Variants in UBR3 observed in about 807,000 individuals in gnomAD.
The protein encoded by UBR3 is E3 ubiquitin-protein ligase UBR3.
Under a neutral mutation model 243.2 loss-of-function variants are expected in UBR3, and 85 were observed. The observed-to-expected ratio is 0.35, with a 90% confidence interval of 0.29 to 0.42. UBR3 has a LOEUF of 0.42. UBR3 is among the 10% of genes least tolerant of loss of function. The probability of loss-of-function intolerance (pLI) is 1.00; values close to 1 mark genes in which losing one functional copy is unlikely to be tolerated. For missense variants in UBR3, 1,686 were observed against 2,300.8 expected (o/e 0.73, Z 5.47); for synonymous variants, 748 against 799.8 (o/e 0.94, Z 1.09).
intron 1 of UBR3, among the ~76,000 whole-genome samples, chr2:169,858,581 CTTTA>C (rs913152807): frequency 1.1e-4 from 17 of 151,966 alleles, no homozygotes; most frequent in Non-Finnish European, 1.8e-4. Context: ...TCATTTAGTA[CTTTA>C]TTTATTTATT....
At chr2:169,867,445 T>C (rs2083296728) in intron 1 of UBR3, among the ~76,000 whole-genome samples, 2 of 152,240 alleles carry the variant, frequency 1.3e-5, no homozygotes, top group Admixed American at 6.5e-5. Flanking sequence ...ATTAAATGCA[T>C]GCATTTTTAA....
chr2:170,022,166 C>T (rs562252269), intron 30 of UBR3, among the ~76,000 whole-genome samples: 1 of 152,050 alleles, frequency 6.6e-6, no homozygotes, highest in Admixed American at 6.6e-5. Context: ...CAAGCTCTGT[C>T]GGAAAGCGAA....
chr2:170,063,830 T>C (rs950774497), intron 35 of UBR3, among the ~76,000 whole-genome samples: 8 of 152,222 alleles, frequency 5.3e-5, no homozygotes, highest in African/African-American at 1.4e-4. Context: ...ACCTAATATG[T>C]TGTATATTGT....
chr2:169,882,118 G>GTA (rs1330968330), intron 5 of UBR3, among the ~76,000 whole-genome samples: 2 of 122,664 alleles, frequency 1.6e-5, no homozygotes, highest in African/African-American at 3.2e-5. Flanking sequence ...TATTATATAT[G>GTA]TATATTATAT....
At chr2:170,061,278 T>C in intron 34 of UBR3, 40 bp from the exon 35 acceptor site, 1 of 1,604,616 alleles carries the variant, frequency 6.2e-7, no homozygotes, top group Non-Finnish European at 8.5e-7. Context: ...AAACTCTTTA[T>C]TGTAGACTGA....
At chr2:169,859,403 GT>G (rs2083006741) in intron 1 of UBR3, among the ~76,000 whole-genome samples, 1 of 152,040 alleles carries the variant, frequency 6.6e-6, no homozygotes, top group South Asian at 2.1e-4. Context: ...TATTTATTCT[GT>G]TTGGGGTTTG....
At chr2:169,833,893 C>T (rs1279319512) in intron 1 of UBR3, among the ~76,000 whole-genome samples, 7 of 152,030 alleles carry the variant, frequency 4.6e-5, no homozygotes. Flanking sequence ...AAGTGATCTC[C>T]CACCTCACCC....
chr2:170,048,170 G>A lies in UBR3; in HGVS notation c.4660+7185G>A, dbSNP rs115283073. Among the ~76,000 whole-genome samples the A allele has an allele frequency of 3.5e-3, 533 of 152,224 alleles. 2 individuals are homozygous for A. Among genetic ancestry groups the A allele is most frequent in the African/African-American group, 0.012 (498 of 41,526 alleles). On this transcript the variant is annotated intron_variant, in intron 32 of 38. Coordinates refer to ENST00000272793, the MANE Select transcript of UBR3 (RefSeq NM_172070.4). ...ACGATATTCTTTAGGATCATTGTGAGGATCATTCTTTAATCACATTTAGCC... is the reference window on the plus strand; with the variant it reads ...ACGATATTCTTTAGGATCATTGTGAAGATCATTCTTTAATCACATTTAGCC...
intron 25 of UBR3, among the ~76,000 whole-genome samples, chr2:169,993,643 A>G (rs942137662): frequency 6.6e-6 from 1 of 152,132 alleles, no homozygotes; most frequent in African/African-American, 2.4e-5. Context: ...TCACTGTGTC[A>G]ATTTGTCCTA....
chr2:169,918,808 C>T (rs1455016379), intron 11 of UBR3, among the ~76,000 whole-genome samples: 3 of 152,086 alleles, frequency 2.0e-5, no homozygotes, highest in Non-Finnish European at 4.4e-5. Context: ...GAAAGTAGAA[C>T]GTGCATTCAT....
chr2:169,908,422 T>C (rs558932818), intron 10 of UBR3, among the ~76,000 whole-genome samples: 22 of 152,234 alleles, frequency 1.4e-4, no homozygotes, highest in African/African-American at 4.3e-4. Context: ...TAGTGTACCT[T>C]GTTTAATTTC....
At chr2:170,029,263 T>C in intron 30 of UBR3, 83 bp from the exon 31 acceptor site, 1 of 1,118,036 alleles carries the variant, frequency 8.9e-7, no homozygotes, top group Non-Finnish European at 1.3e-6. Flanking sequence ...GATTTCCTTA[T>C]GAAATAACTA....
intron 20 of UBR3, among the ~76,000 whole-genome samples, chr2:169,943,472 G>A (rs777924046): frequency 3.3e-5 from 5 of 151,904 alleles, no homozygotes; most frequent in Admixed American, 6.6e-5. Context: ...GTGGTGGTGG[G>A]CGCCTGTAAT....
intron 38 of UBR3, among the ~76,000 whole-genome samples, 162 bp downstream of exon 38, chr2:170,080,846 A>G (rs1441667158): frequency 1.3e-5 from 2 of 152,172 alleles, no homozygotes; most frequent in Non-Finnish European, 2.9e-5. Flanking sequence ...GTCCCTATCA[A>G]TACGTTGAGG....
chr2:169,871,110 G>A (rs890102596), intron 1 of UBR3, among the ~76,000 whole-genome samples: 3 of 151,980 alleles, frequency 2.0e-5, no homozygotes, highest in African/African-American at 7.2e-5. Flanking sequence ...TGGTAATTAT[G>A]TGTTTGGTCA....
At chr2:169,997,558 AT>A (rs982861204) in intron 26 of UBR3, among the ~76,000 whole-genome samples, 2 of 151,832 alleles carry the variant, frequency 1.3e-5, no homozygotes, top group African/African-American at 4.8e-5. Flanking sequence ...AACTCTTTTC[AT>A]TTCCGCTACC....
At chr2:169,845,501 A>G (rs79173019) in intron 1 of UBR3, among the ~76,000 whole-genome samples, 27,062 of 94,072 alleles carry the variant, frequency 0.29, 3,254 homozygotes, top group South Asian at 0.51. Flanking sequence ...CTTCGTCGTC[A>G]TCGTCGTCGT....
rs1330442832 is a variant in UBR3, at chr2:170,052,147, A to G, written c.4661-3313A>G. Among the ~76,000 whole-genome samples the G allele has an allele frequency of 2.0e-5, 3 of 152,160 alleles. No homozygotes were observed. In the East Asian group the frequency reaches 5.8e-4, roughly 29 times the overall value. Reference sequence around the variant, plus strand: ...CATTTTAGTCAATGCTGCTACGTCTATGAGATACCACCATCACCCTCTACC... The same window carrying G: ...CATTTTAGTCAATGCTGCTACGTCTGTGAGATACCACCATCACCCTCTACC... On this transcript the variant is annotated intron_variant, in intron 32 of 38. Coordinates refer to ENST00000272793, the MANE Select transcript of UBR3 (RefSeq NM_172070.4).
intron 2 of UBR3, 26 bp downstream of exon 2, chr2:169,872,401 G>A: frequency 3.6e-6 from 5 of 1,390,098 alleles, no homozygotes; most frequent in Non-Finnish European, 4.8e-6. Flanking sequence ...CTTCTTGTTA[G>A]TACTCTTTTT....
Sources: gnomAD v4.1 joint callset for allele counts (sites outside exome capture counted in the v4.1 genomes callset) on GRCh38, gnomAD v4.1.1 for gene constraint, MANE v1.5 for transcripts, NCBI Gene and HGNC (gene_info 2026-07-23, HGNC 2026-07-21) for gene names.